The following HDAC4 variants were observed in gnomAD, a reference collection of about 807,000 sequenced individuals.
The protein encoded by HDAC4 is histone deacetylase A.
In HDAC4, 16 loss-of-function variants were observed where a neutral mutation model predicts 135.1. That is an observed-to-expected ratio of 0.12 (90% CI 0.08 to 0.18). The LOEUF (loss-of-function observed/expected upper bound fraction) is 0.18, where lower values mean the gene tolerates loss of function less well. Among genes scored for constraint, HDAC4 ranks in the 10% least tolerant of loss-of-function variants. The pLI, the probability that HDAC4 is intolerant of heterozygous loss-of-function variation, is 1.00. For missense variants in HDAC4, 1,143 were observed against 1,511.8 expected (o/e 0.76, Z 4.05); for synonymous variants, 685 against 653.4 (o/e 1.05, Z -0.74).
chr2:239,117,573 A>G (rs1282033618), intron 12 of HDAC4, among the ~76,000 whole-genome samples: 1 of 147,200 alleles, frequency 6.8e-6, no homozygotes, highest in Non-Finnish European at 1.5e-5. Flanking sequence ...GGCAAAAAAA[A>G]AAAAAAAAAA....
At chr2:239,276,804 CA>C (rs1170105911) in intron 2 of HDAC4, among the ~76,000 whole-genome samples, 3 of 152,202 alleles carry the variant, frequency 2.0e-5, no homozygotes, top group Non-Finnish European at 4.4e-5. Context: ...AGAGGGAGGC[CA>C]GGGGGAATGA....
chr2:239,287,000 T>C (rs1451048628), intron 2 of HDAC4, among the ~76,000 whole-genome samples: 1 of 152,034 alleles, frequency 6.6e-6, no homozygotes, highest in Non-Finnish European at 1.5e-5. Flanking sequence ...CAGGAGAGTG[T>C]CTGATGCAAG....
intron 1 of HDAC4, among the ~76,000 whole-genome samples, chr2:239,399,637 C>T (rs375882831): frequency 3.9e-5 from 6 of 152,338 alleles, no homozygotes; most frequent in African/African-American, 1.4e-4. Flanking sequence ...TGTTTACAGG[C>T]TTACTCCCAG....
At chr2:239,120,290 C>T (rs1464824925) in intron 12 of HDAC4, among the ~76,000 whole-genome samples, 1 of 152,014 alleles carries the variant, frequency 6.6e-6, no homozygotes, top group Non-Finnish European at 1.5e-5. Flanking sequence ...AGGGATGAGG[C>T]CTCAGGGACC....
chr2:239,189,745 A>G (rs2153042191), intron 4 of HDAC4, 88 bp downstream of exon 4: 1 of 1,363,946 alleles, frequency 7.3e-7, no homozygotes, highest in East Asian at 2.4e-5. Flanking sequence ...CTGGGGCCCC[A>G]GCACACTCCG....
At chr2:239,340,670 T>C (rs1383003578) in intron 2 of HDAC4, among the ~76,000 whole-genome samples, 1 of 152,230 alleles carries the variant, frequency 6.6e-6, no homozygotes, top group Non-Finnish European at 1.5e-5. Flanking sequence ...TGTATGTTTG[T>C]GTTCAGAAAA....
chr2:239,347,711 G>A (rs1483786036), intron 2 of HDAC4, among the ~76,000 whole-genome samples: 1 of 152,074 alleles, frequency 6.6e-6, no homozygotes, highest in Non-Finnish European at 1.5e-5. Flanking sequence ...GACGGGGTTT[G>A]ACCATGCTGA....
chr2:239,148,810 C>A (rs2041925489), intron 7 of HDAC4, among the ~76,000 whole-genome samples: 1 of 152,206 alleles, frequency 6.6e-6, no homozygotes, highest in Non-Finnish European at 1.5e-5. Flanking sequence ...ACGCACCGGG[C>A]AGTGGGGCCA....
At chr2:239,135,773 A>G (rs764238216) in intron 9 of HDAC4, among the ~76,000 whole-genome samples, 1 of 152,226 alleles carries the variant, frequency 6.6e-6, no homozygotes, top group Non-Finnish European at 1.5e-5. Flanking sequence ...TGGTGTTAAC[A>G]GAACGGAGGG....
In HDAC4 at chr2:239,313,797, G is replaced by C. The variant is rs2052997491; in HGVS notation, c.22+38881C>G. On this transcript the variant is annotated intron_variant, in intron 2 of 26. Transcript: ENST00000543185. This position sits in a 1 kb window ranked among gnomAD's most constrained non-coding sequence, Gnocchi z 5.1. ...AGGGCTGAGTTGGCTGAAGAGTGAG[G>C]AATATACTCCAAAGACAGGAATTCA... is the stretch of plus-strand genomic sequence containing the variant. 6.6e-6 allele frequency among the ~76,000 whole-genome samples: 1 copy of C among 152,192 alleles called. No homozygotes were observed. The highest frequency in any genetic ancestry group is 1.5e-5 in the Non-Finnish European group (1 of 68,040).
At position 239,309,084 on chromosome 2, in the gene HDAC4, TACC is replaced by T. The variant is rs1166955836; in HGVS notation, c.22+43591_22+43593del. ...AGTTAATCGTACTGACTTGGTGCTT[TACC>T]TTCAGCCCAGACTTTCGCTTAATCC... On this transcript the variant is annotated intron_variant, in intron 2 of 26. Transcript: ENST00000543185. The surrounding 1 kb of genome is among the most constrained non-coding windows in gnomAD (Gnocchi z 4.2). 2 of 152,188 alleles carry T rather than the reference TACC, an allele frequency of 1.3e-5. No individual in the cohort carries two copies. Among genetic ancestry groups the T allele is most frequent in the Non-Finnish European group, 2.9e-5 (2 of 68,042 alleles). 9.4% of individuals were successfully genotyped at this position (152,188 alleles called of 1,614,324 possible).
chr2:239,132,146 T>C (rs2040631245), intron 11 of HDAC4, among the ~76,000 whole-genome samples: 1 of 152,018 alleles, frequency 6.6e-6, no homozygotes, highest in Non-Finnish European at 1.5e-5. Flanking sequence ...ACTACAACAA[T>C]GATGCCAACA....
At chr2:239,275,132 C>T (rs1022647146) in intron 2 of HDAC4, among the ~76,000 whole-genome samples, 8 of 151,622 alleles carry the variant, frequency 5.3e-5, no homozygotes, top group African/African-American at 1.5e-4. Context: ...CCGTGGCTGA[C>T]GGGGATCGGG....
At chr2:239,173,840 A>G (rs1350744530) in intron 5 of HDAC4, among the ~76,000 whole-genome samples, 1 of 152,244 alleles carries the variant, frequency 6.6e-6, no homozygotes, top group African/African-American at 2.4e-5. Context: ...TCAAAAACTG[A>G]CTGCTTTTCA....
chr2:239,074,041 G>A (rs1299221731), intron 22 of HDAC4, among the ~76,000 whole-genome samples: 5 of 146,952 alleles, frequency 3.4e-5, no homozygotes, highest in South Asian at 2.2e-4. Context: ...GACTGAGGGG[G>A]GCAGCAGGAC....
intron 11 of HDAC4, among the ~76,000 whole-genome samples, chr2:239,127,203 C>T (rs921914997): frequency 2.1e-4 from 32 of 152,172 alleles, no homozygotes; most frequent in African/African-American, 7.0e-4. Context: ...AAGGTCTCTT[C>T]GAGCACTGAT....
At position 239,309,136 on chromosome 2, in the gene HDAC4, T is replaced by C. The variant is rs753644008; in HGVS notation, c.22+43542A>G. On this transcript the variant is annotated intron_variant, in intron 2 of 26. Transcript: ENST00000543185. This position sits in a 1 kb window ranked among gnomAD's most constrained non-coding sequence, Gnocchi z 4.2. ...CCCGGAAACTGCTCCAAAGGCGTTTTTCTCAGGGCGTTCGGCGCCGTAACT... is the reference window on the plus strand; with the variant it reads ...CCCGGAAACTGCTCCAAAGGCGTTTCTCTCAGGGCGTTCGGCGCCGTAACT... The C allele has an allele frequency of 2.0e-5, 3 of 152,206 alleles. No homozygotes were observed. The highest frequency in any genetic ancestry group is 4.8e-5 in the African/African-American group (2 of 41,452). The allele number at this position is 152,206 out of a possible 1,614,324, so 9.4% of individuals were successfully genotyped here. A position where few individuals can be genotyped will look rare whatever the true frequency, so the allele number is the denominator to read the frequency against.
chr2:239,197,703 G>T (rs532259661), intron 3 of HDAC4, among the ~76,000 whole-genome samples: 1 of 152,092 alleles, frequency 6.6e-6, no homozygotes, highest in East Asian at 1.9e-4. Context: ...TTGCTATTTT[G>T]TTTCTAACTG....
intron 8 of HDAC4, among the ~76,000 whole-genome samples, chr2:239,142,590 A>G (rs2041460587): frequency 6.6e-6 from 1 of 152,258 alleles, no homozygotes; most frequent in Admixed American, 6.5e-5. Context: ...CCTTTATGCC[A>G]CAGCTCAGCA....
Sources: allele counts gnomAD v4.1 joint callset (sites outside exome capture counted in the v4.1 genomes callset), GRCh38; gene constraint gnomAD v4.1.1; non-coding constraint Gnocchi (gnomAD v3.1); transcripts MANE v1.5; gene names NCBI Gene and HGNC (gene_info 2026-07-23, HGNC 2026-07-21).